ZFP37: variants seen among roughly 807,000 people sequenced by gnomAD.
ZFP37 encodes ZFP37 zinc finger protein.
Under a neutral mutation model 52.1 loss-of-function variants are expected in ZFP37, and 38 were observed. The observed-to-expected ratio is 0.73, with a 90% CI of 0.56 to 0.96. ZFP37 has a LOEUF of 0.96. Ranked by LOEUF, ZFP37 falls within the 40% of genes least tolerant of loss-of-function variation. ZFP37 has a pLI of 0.00. For missense variants in ZFP37, 695 were observed against 741.4 expected, an observed-to-expected ratio of 0.94 and a Z score of 0.73; for synonymous variants, 253 against 259.5, an observed-to-expected ratio of 0.98 and a Z score of 0.24.
chr9:113,040,023 CAAAT>C lies in ZFP37; in HGVS notation c.*2698_*2701del, dbSNP rs958168183. 8 of 152,174 alleles carry C rather than the reference CAAAT, an allele frequency of 5.3e-5. No homozygotes were observed. Among genetic ancestry groups the C allele is most frequent in the Non-Finnish European group, 2.9e-5 (2 of 68,016 alleles). The allele number at this position is 152,174 out of a possible 1,614,324, so 9.4% of individuals were successfully genotyped here. A position where few individuals can be genotyped will look rare whatever the true frequency, so the allele number is the denominator to read the frequency against. Reference sequence around the variant, plus strand: ...TTGCATTCTCAAGTCTGTGTTTTAACAAATCATTCAGGCAATTTTTATGCACACT... The same window carrying C: ...TTGCATTCTCAAGTCTGTGTTTTAACCATTCAGGCAATTTTTATGCACACT... On this transcript the variant is annotated 3_prime_UTR_variant, in exon 4 of 4. Coordinates refer to ENST00000374227, the MANE Select transcript of ZFP37 (RefSeq NM_003408.3).
intron 1 of ZFP37, among the ~76,000 whole-genome samples, chr9:113,050,322 G>C (rs1344083664): frequency 6.6e-6 from 1 of 152,184 alleles, no homozygotes; most frequent in African/African-American, 2.4e-5. Context: ...GGAGGTCAAG[G>C]CTACAGGGAG....
At chr9:113,055,404 A>G (rs751407044) in intron 1 of ZFP37, among the ~76,000 whole-genome samples, 14 of 152,320 alleles carry the variant, frequency 9.2e-5, no homozygotes, top group South Asian at 2.1e-4. Context: ...ATTTTATGAT[A>G]TCTTTCATAT....
chr9:113,050,352 C>T (rs1296484013), intron 1 of ZFP37, among the ~76,000 whole-genome samples: 2 of 152,028 alleles, frequency 1.3e-5, no homozygotes, highest in South Asian at 2.1e-4. Context: ...CACCACTGCA[C>T]TCCAGCCTGG....
chr9:113,044,163 C>T lies in ZFP37; in HGVS notation c.455G>A (p.Ser152Asn), dbSNP rs746150956. ...KKKTQAKKNG[S>N]DCGSLGKKNN... ...TTTTTTCCCCAGTGAACCACAGTCA[C>T]TGCCATTCTTCTTAGCTTGAGTTTT... The change falls in exon 4 of 4, where the codon AGT becomes AAT. Residue 152 changes from serine (S) to asparagine (N), a missense_variant. Ser to Asn is a conservative substitution (Grantham distance 46). Transcript: ENST00000374227. 5 of 1,611,728 alleles carry T rather than the reference C, an allele frequency of 3.1e-6. No homozygotes were observed. In the South Asian group the frequency reaches 5.5e-5, roughly 18 times the overall value.
intron 1 of ZFP37, among the ~76,000 whole-genome samples, chr9:113,054,057 C>T (rs1829101317): frequency 1.3e-5 from 2 of 152,128 alleles, no homozygotes; most frequent in Admixed American, 6.5e-5. Context: ...GCTGTTTCCA[C>T]TTCATTACCT....
chr9:113,044,523 T>C (rs1828918153), intron 3 of ZFP37, among the ~76,000 whole-genome samples: 1 of 152,034 alleles, frequency 6.6e-6, no homozygotes, highest in South Asian at 2.1e-4. Flanking sequence ...GGATAGAAGA[T>C]GAAATAAACA....
At chr9:113,047,033 C>A (rs539084521) in intron 3 of ZFP37, among the ~76,000 whole-genome samples, 2 of 150,624 alleles carry the variant, frequency 1.3e-5, no homozygotes, top group Admixed American at 1.3e-4. Flanking sequence ...GGTGTGAACT[C>A]GGGAGGAGGA....
intron 3 of ZFP37, among the ~76,000 whole-genome samples, chr9:113,046,593 AAGG>A: frequency 6.6e-6 from 1 of 152,332 alleles, no homozygotes; most frequent in Non-Finnish European, 1.5e-5. Context: ...CCATGAAGGA[AAGG>A]AGGAGAATTT....
At position 113,038,625 on chromosome 9, in the gene ZFP37, A is replaced by C. The variant is rs10981617; in HGVS notation, c.*4100T>G. 9,869 of 151,582 alleles carry C rather than the reference A, an allele frequency of 0.065. 736 individuals are homozygous for C. The highest frequency in any genetic ancestry group is 0.38 in the East Asian group (1,942 of 5,074). 9.4% of individuals were successfully genotyped at this position (151,582 alleles called of 1,614,324 possible). ...TGGCAAAACTCTGTTTCCACCAAAA[A>C]AAAAAAAAAAAAATTAGCTTGGTGG... On this transcript the variant is annotated 3_prime_UTR_variant, in exon 4 of 4. Transcript: ENST00000374227.
intron 1 of ZFP37, among the ~76,000 whole-genome samples, chr9:113,056,227 T>C (rs922658260): frequency 6.6e-6 from 1 of 151,970 alleles, no homozygotes; most frequent in Admixed American, 6.5e-5. Context: ...CTGGCTCCCA[T>C]AGACATCCCA....
chr9:113,053,149 G>A (rs1352145068), intron 1 of ZFP37, among the ~76,000 whole-genome samples: 6 of 151,914 alleles, frequency 3.9e-5, no homozygotes, highest in South Asian at 2.1e-4. Flanking sequence ...AAGACATTCC[G>A]CCCTCTGACC....
intron 1 of ZFP37, 173 bp from the exon 2 acceptor site, chr9:113,050,045 C>G (rs1484753964): frequency 9.4e-7 from 1 of 1,059,242 alleles, no homozygotes; most frequent in Non-Finnish European, 1.3e-6. Context: ...TACCTATTCT[C>G]TACTCAATTT....
intron 1 of ZFP37, among the ~76,000 whole-genome samples, chr9:113,051,465 G>A (rs942907741): frequency 6.6e-6 from 1 of 151,834 alleles, no homozygotes; most frequent in Admixed American, 6.6e-5. Flanking sequence ...CAGTGGGGTG[G>A]GGGAGCAGAT....
chr9:113,045,974 T>C (rs1374951156), intron 3 of ZFP37, among the ~76,000 whole-genome samples: 1 of 152,042 alleles, frequency 6.6e-6, no homozygotes, highest in Non-Finnish European at 1.5e-5. Context: ...GCCACCTTGA[T>C]GGTAAAGAAA....
In ZFP37 at chr9:113,049,499, G is replaced by C; in HGVS notation, c.215-3C>G. 2 of 1,610,994 alleles carry C rather than the reference G, an allele frequency of 1.2e-6. No homozygotes were observed. The highest frequency in any genetic ancestry group is 1.7e-6 in the Non-Finnish European group (2 of 1,178,302). ...GTCTGGTTTGGGAGCTTGACACCCT[G>C]CTCATGAGAAATAGCAGAAACTGAG... On this transcript the variant is annotated splice_polypyrimidine_tract_variant and splice_region_variant and intron_variant, in intron 2 of 3. Coordinates refer to ENST00000374227, the MANE Select transcript of ZFP37 (RefSeq NM_003408.3).
At position 113,042,703 on chromosome 9, in the gene ZFP37, T is replaced by G. The variant is rs1274462609; in HGVS notation, c.*22A>C. On this transcript the variant is annotated 3_prime_UTR_variant, in exon 4 of 4. Coordinates refer to ENST00000374227, the MANE Select transcript of ZFP37 (RefSeq NM_003408.3). Reference sequence around the variant, plus strand: ...GGTTCAACAAAACCTTAAATTTAGTTAACAAATTTCCCACATTAACTTCAC... The same window carrying G: ...GGTTCAACAAAACCTTAAATTTAGTGAACAAATTTCCCACATTAACTTCAC... The G allele has an allele frequency of 1.3e-6, 2 of 1,523,162 alleles. No individual in the cohort carries two copies. Among genetic ancestry groups the G allele is most frequent in the East Asian group, 4.5e-5 (2 of 44,132 alleles). 94.4% of individuals were successfully genotyped at this position (1,523,162 alleles called of 1,614,324 possible).
chr9:113,054,546 T>C (rs1829109324), intron 1 of ZFP37, among the ~76,000 whole-genome samples: 2 of 152,212 alleles, frequency 1.3e-5, no homozygotes, highest in African/African-American at 2.4e-5. Context: ...TCTAGGTAGA[T>C]GTGCAATGAG....
rs748227436 is a variant in ZFP37 at position 113,043,926 on chromosome 9, T to G, written c.692A>C (p.Glu231Ala). Residue 231 changes from glutamate to alanine, a missense_variant, in exon 4 of 4, where the codon GAG becomes GCG. Physicochemically the swap from Glu to Ala is moderately radical, Grantham distance 107. Around this residue, in one of 2 missense-constraint regions of ZFP37, gnomAD observed 369 missense variants for 340.9 expected, o/e 1.08. Coordinates refer to ENST00000374227, the MANE Select transcript of ZFP37 (RefSeq NM_003408.3). The part of the protein sequence containing the change: ...KGKKQTGKKH[E>A]KLSSHSSSDK... ...AGATGAGCTATGGCTGGATAATTTC[T>G]CATGTTTCTTTCCAGTTTGCTTTTT... 6.2e-7 allele frequency: 1 copy of G among 1,614,074 alleles called. No individual in the cohort carries two copies. The highest frequency in any genetic ancestry group is 8.5e-7 in the Non-Finnish European group (1 of 1,179,936).
chr9:113,044,192 C>T lies in ZFP37; in HGVS notation c.426G>A (p.Lys142=). 2.5e-6 allele frequency: 4 copies of T among 1,604,412 alleles called. No individual in the cohort carries two copies. The highest frequency in any genetic ancestry group is 3.4e-6 in the Non-Finnish European group (4 of 1,177,762). Residue 142 remains lysine (K), a synonymous_variant, in exon 4 of 4, where the codon AAG becomes AAA. Coordinates refer to ENST00000374227, the MANE Select transcript of ZFP37 (RefSeq NM_003408.3). ...QNKLLREVAV[K]KKTQAKKNGS... is the part of the protein sequence containing the mutation. The stretch of plus-strand genomic sequence containing the variant: ...CATTCTTCTTAGCTTGAGTTTTCTT[C>T]TTGACTGCAACTTCCCTGAGGAGTT...
Sources: allele counts gnomAD v4.1 joint callset (sites outside exome capture counted in the v4.1 genomes callset), GRCh38; gene constraint gnomAD v4.1.1; regional missense constraint gnomAD v4.1.1; transcripts MANE v1.5; gene names NCBI Gene and HGNC (gene_info 2026-07-23, HGNC 2026-07-21).